The following CBFA2T2 variants were observed in gnomAD, a reference collection of about 807,000 sequenced individuals.
The protein encoded by CBFA2T2 is CBFA2/RUNX1 partner transcriptional co-repressor 2.
CBFA2T2 carries 11 observed loss-of-function variants against 62.2 expected under a neutral mutation model. The ratio of observed to expected loss-of-function variants is 0.18; its 90% CI spans 0.11 to 0.29. The LOEUF (loss-of-function observed/expected upper bound fraction) is 0.29. Among genes scored for constraint, CBFA2T2 ranks in the 10% least tolerant of loss-of-function variants. The pLI is 1.00. For missense variants in CBFA2T2, 592 were observed against 774.1 expected, an observed-to-expected ratio of 0.76 and a Z score of 2.79; for synonymous variants, 295 against 287.5, an observed-to-expected ratio of 1.03 and a Z score of -0.27.
At chr20:33,587,518 G>A (rs576962317) in intron 1 of CBFA2T2, among the ~76,000 whole-genome samples, 1 of 152,004 alleles carries the variant, frequency 6.6e-6, no homozygotes, top group East Asian at 1.9e-4. Flanking sequence ...CGCCCCCCTT[G>A]GCCTCCCAAA....
intron 6 of CBFA2T2, 51 bp from the exon 7 acceptor site, chr20:33,628,299 T>C (rs1601095689): frequency 8.0e-7 from 1 of 1,246,224 alleles, no homozygotes. Context: ...AGAATTTGCT[T>C]CTATTGTGTT....
chr20:33,598,236 C>T (rs777881523), intron 1 of CBFA2T2, among the ~76,000 whole-genome samples: 1 of 152,112 alleles, frequency 6.6e-6, no homozygotes, highest in African/African-American at 2.4e-5. Context: ...ACCGGTCTGA[C>T]CAAAATTTAT....
chr20:33,534,346 G>GTCTCAC (rs1053992763), intron 1 of CBFA2T2, among the ~76,000 whole-genome samples: 7 of 152,084 alleles, frequency 4.6e-5, no homozygotes, highest in African/African-American at 1.7e-4. Context: ...GTTTGAGACA[G>GTCTCAC]TCTCACTCTG....
At chr20:33,598,701 A>G (rs1422788651) in intron 1 of CBFA2T2, among the ~76,000 whole-genome samples, 2 of 152,218 alleles carry the variant, frequency 1.3e-5, no homozygotes, top group Non-Finnish European at 2.9e-5. Flanking sequence ...AGGAAATCAC[A>G]AGAGTATTGA....
chr20:33,531,785 T>C (rs2146870260), intron 1 of CBFA2T2, among the ~76,000 whole-genome samples: 1 of 152,356 alleles, frequency 6.6e-6, no homozygotes, highest in Non-Finnish European at 1.5e-5. Context: ...GCAAAGGGTC[T>C]GTCTTTTATC....
At chr20:33,574,228 A>C in intron 1 of CBFA2T2, 1 of 1,613,720 alleles carries the variant, frequency 6.2e-7, no homozygotes, top group Admixed American at 1.7e-5. Context: ...AATAAGCTTG[A>C]AAGAAATACA....
At chr20:33,587,122 T>C (rs768715517) in intron 1 of CBFA2T2, among the ~76,000 whole-genome samples, 2 of 151,780 alleles carry the variant, frequency 1.3e-5, no homozygotes, top group Non-Finnish European at 2.9e-5. Context: ...GATGGCATCT[T>C]TTTTAGAGAC....
chr20:33,619,571 T>A lies in CBFA2T2; in HGVS notation c.475T>A (p.Phe159Ile). Residue 159 changes from phenylalanine to isoleucine, a missense_variant, in exon 4 of 11, where the codon TTT becomes ATT. This residue lies in a region of CBFA2T2 where 449 missense variants were observed against 551.2 expected (regional missense o/e 0.81). Coordinates refer to ENST00000342704, the MANE Select transcript of CBFA2T2 (RefSeq NM_001032999.3). ...FHCKLQEATN[F>I]PLRPFVIPFL... ...CTGTAAGCTCCAAGAAGCCACAAAC[T>A]TTCCCCTTCGTCCTTTTGTGATTCC... 1 of 1,609,702 alleles carries A rather than the reference T, an allele frequency of 6.2e-7. No homozygotes were observed. Among genetic ancestry groups the A allele is most frequent in the African/African-American group, 1.3e-5 (1 of 74,776 alleles).
chr20:33,526,792 G>T (rs1168006455), intron 1 of CBFA2T2, among the ~76,000 whole-genome samples: 1 of 152,084 alleles, frequency 6.6e-6, no homozygotes, highest in Non-Finnish European at 1.5e-5. Flanking sequence ...ATATTTCCAT[G>T]TGTTCTATGA....
At position 33,644,552 on chromosome 20, in the gene CBFA2T2, G is replaced by A; in HGVS notation, c.1694G>A (p.Ser565Asn). The A allele has an allele frequency of 1.2e-6, 2 of 1,614,010 alleles. No individual in the cohort carries two copies. Among genetic ancestry groups the A allele is most frequent in the Non-Finnish European group, 1.7e-6 (2 of 1,179,948 alleles). ...RGSSARSADC[S>N]VPSPALDKTS... The stretch of plus-strand genomic sequence containing the variant: ...TCCTCTGCCAGGTCCGCCGACTGCA[G>A]CGTGCCCAGCCCAGCCCTCGACAAG... Residue 565 changes from serine (S) to asparagine (N), a missense_variant, in exon 11 of 11, where the codon AGC (serine) becomes AAC (asparagine). This residue lies in a region of CBFA2T2 where 85 missense variants were observed against 99.0 expected (regional missense o/e 0.86). Transcript: ENST00000342704.
intron 1 of CBFA2T2, among the ~76,000 whole-genome samples, chr20:33,592,638 A>T (rs946735940): frequency 6.6e-6 from 1 of 151,924 alleles, no homozygotes; most frequent in Non-Finnish European, 1.5e-5. Context: ...GGATCACTTG[A>T]GCCCAAGAGT....
intron 1 of CBFA2T2, among the ~76,000 whole-genome samples, chr20:33,570,269 G>A (rs931150970): frequency 6.6e-6 from 1 of 151,470 alleles, no homozygotes; most frequent in Admixed American, 6.6e-5. Flanking sequence ...TGACAAGAGC[G>A]AGACTCCATC....
intron 1 of CBFA2T2, among the ~76,000 whole-genome samples, chr20:33,591,327 T>G (rs1405771410): frequency 6.7e-6 from 1 of 148,774 alleles, no homozygotes; most frequent in Non-Finnish European, 1.5e-5. Flanking sequence ...CTACTTAAAA[T>G]AGAAAAAAGT....
At chr20:33,509,314 T>C (rs532424631) in intron 1 of CBFA2T2, among the ~76,000 whole-genome samples, 2 of 151,134 alleles carry the variant, frequency 1.3e-5, no homozygotes, top group South Asian at 4.2e-4. Context: ...TTGCAATGAG[T>C]CAAGATTGCA....
At chr20:33,583,444 A>G (rs2014208549) in intron 1 of CBFA2T2, among the ~76,000 whole-genome samples, 1 of 152,162 alleles carries the variant, frequency 6.6e-6, no homozygotes, top group African/African-American at 2.4e-5. Flanking sequence ...CTAATCGTTA[A>G]CCTTATTTGG....
chr20:33,498,296 G>C (rs1363589154), intron 1 of CBFA2T2, among the ~76,000 whole-genome samples: 1 of 150,874 alleles, frequency 6.6e-6, no homozygotes, highest in African/African-American at 2.4e-5. Flanking sequence ...GCCCAGGCTG[G>C]AGTGCAGTGG....
intron 1 of CBFA2T2, among the ~76,000 whole-genome samples, chr20:33,520,252 CTATT>C (rs1165751613): frequency 6.6e-6 from 1 of 152,112 alleles, no homozygotes; most frequent in Non-Finnish European, 1.5e-5. Context: ...AACTGAGAAA[CTATT>C]AAGGAAAGAG....
At chr20:33,584,341 C>T (rs1421963083) in intron 1 of CBFA2T2, among the ~76,000 whole-genome samples, 1 of 150,972 alleles carries the variant, frequency 6.6e-6, no homozygotes, top group East Asian at 1.9e-4. Flanking sequence ...TCTTGGCTCA[C>T]TGCAAGCTCC....
At chr20:33,503,718 T>C (rs186331650) in intron 1 of CBFA2T2, among the ~76,000 whole-genome samples, 1 of 152,254 alleles carries the variant, frequency 6.6e-6, no homozygotes, top group East Asian at 1.9e-4. Flanking sequence ...GACAGGGTCT[T>C]ACTATGTTGC....
Sources: gnomAD v4.1 joint callset for allele counts (sites outside exome capture counted in the v4.1 genomes callset) on GRCh38, gnomAD v4.1.1 for gene constraint, gnomAD v4.1.1 regional missense constraint, MANE v1.5 for transcripts, NCBI Gene and HGNC (gene_info 2026-07-23, HGNC 2026-07-21) for gene names.